The following HMGCL variants were observed in gnomAD, a reference collection of about 807,000 sequenced individuals.
The protein encoded by HMGCL is 3-hydroxy-3-methylglutaryl-CoA lyase.
HMGCL carries 26 observed loss-of-function variants against 37.3 expected under a neutral mutation model. The observed-to-expected ratio is 0.70, with a 90% CI of 0.51 to 0.97. The LOEUF (loss-of-function observed/expected upper bound fraction) is 0.97, where lower values mean the gene tolerates loss of function less well. Among genes scored for constraint, HMGCL ranks in the 50% least tolerant of loss-of-function variants. The pLI, the probability that HMGCL is intolerant of heterozygous loss-of-function variation, is 0.00. For synonymous variants in HMGCL, 151 were observed against 148.0 expected (o/e 1.02, Z -0.15); for missense variants, 379 against 398.1 (o/e 0.95, Z 0.41).
chr1:23,805,590 T>C (rs542991909), intron 7 of HMGCL, among the ~76,000 whole-genome samples: 1 of 152,294 alleles, frequency 6.6e-6, no homozygotes, highest in Admixed American at 6.5e-5. Flanking sequence ...ACCTTCTCCA[T>C]GTGGCTTCCA....
At chr1:23,820,389 C>G in intron 2 of HMGCL, 121 bp downstream of exon 2, 1 of 766,638 alleles carries the variant, frequency 1.3e-6, no homozygotes, top group East Asian at 2.6e-5. Flanking sequence ...CTACTCTCCC[C>G]TAACTTGTGC....
At chr1:23,810,369 G>A (rs1638496862) in intron 6 of HMGCL, 1 of 313,962 alleles carries the variant, frequency 3.2e-6, no homozygotes, top group Non-Finnish European at 6.3e-6. Context: ...TCTTCTCAGT[G>A]TTGACCTGGT....
chr1:23,810,661 G>T, intron 6 of HMGCL, 75 bp downstream of exon 6: 1 of 1,252,580 alleles, frequency 8.0e-7, no homozygotes, highest in Non-Finnish European at 1.2e-6. Flanking sequence ...AGGGTGGGGA[G>T]AGGAACCTAT....
At chr1:23,807,952 A>G (rs928745737) in intron 7 of HMGCL, among the ~76,000 whole-genome samples, 183 bp downstream of exon 7, 3 of 152,118 alleles carry the variant, frequency 2.0e-5, no homozygotes, top group African/African-American at 7.2e-5. Flanking sequence ...AACTCCCTTG[A>G]CTGTCTCCCC....
chr1:23,819,866 C>G (rs1296013887), intron 2 of HMGCL, among the ~76,000 whole-genome samples: 1 of 152,198 alleles, frequency 6.6e-6, no homozygotes, highest in Non-Finnish European at 1.5e-5. Context: ...CATGCCCAGT[C>G]ACATGTACTA....
At position 23,808,224 on chromosome 1, in the gene HMGCL, C is replaced by T. The variant is rs745624801; in HGVS notation, c.661G>A (p.Val221Ile). ...GCAGCCAGAGGCACTTCCTGCATGA[C>T]AGCAGATAGCATGTCTTTCATGATC... is the stretch of plus-strand genomic sequence containing the variant. ...PGIMKDMLSA[V>I]MQEVPLAALA... Residue 221 changes from valine (V) to isoleucine (I), a missense_variant, in exon 7 of 9, where the codon GTC becomes ATC. Transcript: ENST00000374490. 1.2e-6 allele frequency: 2 copies of T among 1,614,020 alleles called. No individual in the cohort carries two copies. The highest frequency in any genetic ancestry group is 1.7e-6 in the Non-Finnish European group (2 of 1,179,928).
intron 6 of HMGCL, among the ~76,000 whole-genome samples, chr1:23,808,557 A>C (rs1453102265): frequency 1.3e-5 from 2 of 152,134 alleles, no homozygotes; most frequent in African/African-American, 2.4e-5. Context: ...ACAGTCCTGA[A>C]GCTCCAACCC....
rs552495354 is a variant in HMGCL, at chr1:23,815,004, G to A, written c.349-666C>T. ...GGGCAGATCATGAGGTCAGGAGATC[G>A]AGACCATCCTGGCTAACACAGTGAA... On this transcript the variant is annotated intron_variant, in intron 4 of 8. Coordinates refer to ENST00000374490, the MANE Select transcript of HMGCL (RefSeq NM_000191.3). Among the ~76,000 whole-genome samples, 29 of 152,068 alleles carry A rather than the reference G, an allele frequency of 1.9e-4. 1 individual carries two copies. Among genetic ancestry groups the A allele is most frequent in the Admixed American group, 1.4e-3 (21 of 15,252 alleles).
intron 8 of HMGCL, among the ~76,000 whole-genome samples, chr1:23,803,070 T>G (rs1251805450): frequency 2.0e-5 from 3 of 152,226 alleles, no homozygotes; most frequent in Non-Finnish European, 4.4e-5. Context: ...AGTTTGCTCT[T>G]GTCGCCCAGG....
chr1:23,802,432 T>A lies in HMGCL; in HGVS notation c.*31A>T, dbSNP rs939024045. ...ATCTGTGTGTGCCCCTATTTCCACA[T>A]CATCCCCAGGGCTTCAGGTGGGCAA... On this transcript the variant is annotated 3_prime_UTR_variant, in exon 9 of 9. Transcript: ENST00000374490. 7.5e-7 allele frequency: 1 copy of A among 1,331,092 alleles called. No individual in the cohort carries two copies. The highest frequency in any genetic ancestry group is 1.2e-5 in the South Asian group (1 of 85,424). The allele number at this position is 1,331,092 out of a possible 1,614,324, so 82.5% of individuals were successfully genotyped here. A position where few individuals can be genotyped will look rare whatever the true frequency, so the allele number is the denominator to read the frequency against.
intron 5 of HMGCL, 33 bp from the exon 6 acceptor site, chr1:23,810,832 G>A: frequency 1.3e-6 from 2 of 1,591,014 alleles, no homozygotes; most frequent in Non-Finnish European, 1.7e-6. Flanking sequence ...TGAGGTCAGT[G>A]TCCTGAGCTT....
At chr1:23,817,199 G>A (rs1442189983) in intron 3 of HMGCL, among the ~76,000 whole-genome samples, 1 of 152,184 alleles carries the variant, frequency 6.6e-6, no homozygotes, top group Non-Finnish European at 1.5e-5. Context: ...AGGCATAGAG[G>A]GTTTTAGACT....
At position 23,814,330 on chromosome 1, in the gene HMGCL, A is replaced by G; in HGVS notation, c.357T>C (p.Ala119=). 6.2e-7 allele frequency: 1 copy of G among 1,613,678 alleles called. No homozygotes were observed. The highest frequency in any genetic ancestry group is 1.1e-5 in the South Asian group (1 of 91,052). ...CAAAGATGACTACTTCCTTGGCTCC[A>G]GCAGCAACCTGCCAACATCCAGGTG... is the stretch of plus-strand genomic sequence containing the variant. ...NLKGFEAAVA[A]GAKEVVIFGA... is the part of the protein sequence containing the mutation. Residue 119 remains alanine, a synonymous_variant, in exon 5 of 9, where the codon GCT becomes GCC. Transcript: ENST00000374490.
At chr1:23,823,558 G>A (rs1042630725) in intron 1 of HMGCL, among the ~76,000 whole-genome samples, 1 of 151,946 alleles carries the variant, frequency 6.6e-6, no homozygotes, top group Non-Finnish European at 1.5e-5. Context: ...TCACCAGGTT[G>A]GCCAGGCTGG....
At chr1:23,803,591 T>G (rs1403902653) in intron 8 of HMGCL, 1 of 152,342 alleles carries the variant, frequency 6.6e-6, no homozygotes, top group South Asian at 2.1e-4. Context: ...CCGCCTTGGC[T>G]TCCCAAAGTG....
At chr1:23,820,861 A>G (rs535798553) in intron 1 of HMGCL, among the ~76,000 whole-genome samples, 7 of 152,274 alleles carry the variant, frequency 4.6e-5, no homozygotes, top group African/African-American at 1.7e-4. Context: ...TGACAGCTCT[A>G]TTCGCATCTC....
intron 5 of HMGCL, among the ~76,000 whole-genome samples, chr1:23,812,457 G>A (rs369238161): frequency 1.3e-5 from 2 of 152,132 alleles, no homozygotes; most frequent in Non-Finnish European, 2.9e-5. Flanking sequence ...CCCAGGCTCA[G>A]GTGATCTTCC....
intron 4 of HMGCL, among the ~76,000 whole-genome samples, chr1:23,814,934 G>T (rs895911917): frequency 3.3e-5 from 5 of 152,058 alleles, no homozygotes; most frequent in Admixed American, 6.6e-5. Flanking sequence ...CCAGCCGGGC[G>T]CAGTGGCTCA....
intron 2 of HMGCL, among the ~76,000 whole-genome samples, chr1:23,818,038 G>T (rs966739579): frequency 1.3e-5 from 2 of 152,194 alleles, no homozygotes; most frequent in African/African-American, 4.8e-5. Context: ...ACATGGCATA[G>T]TCTCAAGCCA....
Sources: gnomAD v4.1 joint callset for allele counts (sites outside exome capture counted in the v4.1 genomes callset) on GRCh38, gnomAD v4.1.1 for gene constraint, MANE v1.5 for transcripts, NCBI Gene and HGNC (gene_info 2026-07-23, HGNC 2026-07-21) for gene names.